Variants in BMX observed in about 807,000 individuals in gnomAD.
BMX encodes the protein cytoplasmic tyrosine-protein kinase BMX.
A neutral mutation model predicts 59.2 loss-of-function variants in BMX; 31 were observed. That is an observed-to-expected ratio of 0.52 (90% CI 0.39 to 0.71). BMX has a LOEUF of 0.71. BMX is among the 30% of genes least tolerant of loss of function. The pLI, the probability that BMX is intolerant of heterozygous loss-of-function variation, is 0.00. For missense variants in BMX, 474 were observed against 491.7 expected, an observed-to-expected ratio of 0.96 and a Z score of 0.34; for synonymous variants, 185 against 181.0, an observed-to-expected ratio of 1.02 and a Z score of -0.18.
intron 7 of BMX, among the ~76,000 whole-genome samples, chrX:15,523,202 G>A (rs1476405143): frequency 1.8e-5 from 2 of 111,671 alleles, no homozygotes; most frequent in South Asian, 3.7e-4. Flanking sequence ...ATATGGAAAG[G>A]GTCAAGTGAC....
At chrX:15,543,019 A>G in intron 15 of BMX, 52 bp from the exon 16 acceptor site, 2 of 1,106,467 alleles carry the variant, frequency 1.8e-6, no homozygotes, top group South Asian at 3.9e-5. Context: ...GGAAAATGTC[A>G]GGAGATTCTT....
At position 15,516,285 on chromosome X, in the gene BMX, G is replaced by A. The variant is rs1924152549; in HGVS notation, c.445+54G>A. The A allele has an allele frequency of 1.0e-5, 12 of 1,171,781 alleles. No individual in the cohort carries two copies. In the South Asian group the frequency reaches 1.7e-4, roughly 17 times the overall value. On this transcript the variant is annotated intron_variant, in intron 5 of 18. Transcript: ENST00000348343. ...ACGTTGGGTGGATAGTGCTCCATTA[G>A]GCTAAACCTGCCAGAGGCCAGAAGA...
At chrX:15,548,093 C>A (rs992698685) in intron 17 of BMX, among the ~76,000 whole-genome samples, 6 of 111,730 alleles carry the variant, frequency 5.4e-5, no homozygotes, top group Admixed American at 4.7e-4. Flanking sequence ...GAAAAAAAAT[C>A]ACAAAGATAG....
At chrX:15,527,808 A>G (rs1484798254) in intron 9 of BMX, among the ~76,000 whole-genome samples, 4 of 111,557 alleles carry the variant, frequency 3.6e-5, no homozygotes, top group Non-Finnish European at 7.5e-5. Flanking sequence ...TCTCTTTATC[A>G]CCTTCTAGCT....
chrX:15,534,922 A>G (rs1322892589), intron 12 of BMX, among the ~76,000 whole-genome samples: 1 of 111,254 alleles, frequency 9.0e-6, no homozygotes, highest in African/African-American at 3.3e-5. Context: ...TAGTTACCCC[A>G]TAATTTATTC....
intron 14 of BMX, 99 bp from the exon 15 acceptor site, chrX:15,541,883 T>A (rs1274041653): frequency 1.4e-6 from 1 of 731,368 alleles, no homozygotes; most frequent in Non-Finnish European, 2.1e-6. Context: ...AGGGTGGGGG[T>A]GGGAATTAAA....
chrX:15,537,403 TC>T, intron 14 of BMX, 98 bp downstream of exon 14: 1 of 887,987 alleles, frequency 1.1e-6, no homozygotes, highest in Non-Finnish European at 1.6e-6. Context: ...AGAGCAAAAG[TC>T]CACATACTGT....
At chrX:15,515,791 C>A (rs1045716040) in intron 4 of BMX, among the ~76,000 whole-genome samples, 1 of 111,688 alleles carries the variant, frequency 9.0e-6, no homozygotes, top group Non-Finnish European at 1.9e-5. Context: ...TGTGTTGTAA[C>A]CCACTCACTT....
chrX:15,529,797 G>A (rs1924976139), intron 9 of BMX, among the ~76,000 whole-genome samples, 176 bp from the exon 10 acceptor site: 1 of 112,168 alleles, frequency 8.9e-6, no homozygotes, highest in Non-Finnish European at 1.9e-5. Flanking sequence ...GAATTTAGTA[G>A]TGGGGACTTA....
Position 15,545,240 on chromosome X carries a change from GA to G in BMX, c.1677-1562del, listed in dbSNP as rs759449043. On this transcript the variant is annotated intron_variant, in intron 16 of 18. Coordinates refer to ENST00000348343, the MANE Select transcript of BMX (RefSeq NM_203281.3). Reference sequence around the variant, plus strand: ...GAGAGAGAGACTGAGGCAAGTTTTTGAGCAGGAGTGAGAGTTTATTAAAAAG... The same window carrying G: ...GAGAGAGAGACTGAGGCAAGTTTTTGGCAGGAGTGAGAGTTTATTAAAAAG... Among the ~76,000 whole-genome samples the G allele has an allele frequency of 3.6e-5, 4 of 112,055 alleles. No homozygotes were observed. The South Asian group carries it at 1.5e-3, about 42-fold the overall frequency.
rs1195837869 is a variant in BMX at position 15,522,400 on chromosome X, A to G, written c.565A>G (p.Thr189Ala). ...CAAAATGGATGCACCATCTTCAAGTACCACTCTAGCCCAATATGACAACGA... is the reference window on the plus strand; with the variant it reads ...CAAAATGGATGCACCATCTTCAAGTGCCACTCTAGCCCAATATGACAACGA... Reference protein sequence around the residue: ...VLKMDAPSSSTTLAQYDNESK... With the variant: ...VLKMDAPSSSATLAQYDNESK... Residue 189 changes from threonine to alanine, a missense_variant, in exon 7 of 19, where the codon ACC becomes GCC. By Grantham distance (58) the Thr-to-Ala change is moderately conservative. Coordinates refer to ENST00000348343, the MANE Select transcript of BMX (RefSeq NM_203281.3). 8.3e-7 allele frequency: 1 copy of G among 1,210,551 alleles called. No individual in the cohort carries two copies. The highest frequency in any genetic ancestry group is 1.7e-5 in the African/African-American group (1 of 57,374).
intron 9 of BMX, 63 bp downstream of exon 9, chrX:15,526,158 T>C: frequency 9.8e-7 from 1 of 1,023,958 alleles, no homozygotes; most frequent in South Asian, 2.2e-5. Flanking sequence ...ACTCTCTTCC[T>C]CAAAGACATT....
intron 11 of BMX, 45 bp from the exon 12 acceptor site, chrX:15,534,167 C>T: frequency 1.9e-6 from 2 of 1,070,165 alleles, no homozygotes; most frequent in East Asian, 3.4e-5. Flanking sequence ...CTTAATCAAG[C>T]TTTATTGTTT....
At chrX:15,534,175 T>C in intron 11 of BMX, 37 bp from the exon 12 acceptor site, 4 of 1,089,849 alleles carry the variant, frequency 3.7e-6, no homozygotes, top group Non-Finnish European at 4.9e-6. Flanking sequence ...AGCTTTATTG[T>C]TTATTTTAAA....
intron 1 of BMX, among the ~76,000 whole-genome samples, chrX:15,505,599 T>C (rs1403360357): frequency 8.9e-6 from 1 of 112,608 alleles, no homozygotes; most frequent in African/African-American, 3.2e-5. Context: ...AATAAACATA[T>C]ATTGCATATG....
chrX:15,544,443 C>T (rs1212387011), intron 16 of BMX, among the ~76,000 whole-genome samples: 2 of 111,339 alleles, frequency 1.8e-5, no homozygotes, highest in Admixed American at 9.5e-5. Flanking sequence ...GTTCTTAAAG[C>T]AGGGAGAAGC....
In BMX at chrX:15,546,903, T is replaced by A. The variant is rs780513020; in HGVS notation, c.1777T>A (p.Ser593Thr). 2 of 1,206,444 alleles carry A rather than the reference T, an allele frequency of 1.7e-6. No individual in the cohort carries two copies. The highest frequency in any genetic ancestry group is 1.8e-5 in the African/African-American group (1 of 57,093). Residue 593 changes from serine to threonine, a missense_variant, in exon 17 of 19, where the codon TCA (serine) becomes ACA (threonine). Transcript: ENST00000348343. ...VFHYFKYSSK[S>T]DVWAFGILMW... is the part of the protein sequence containing the mutation. ...TCATTACTTCAAATACAGCAGCAAG[T>A]CAGACGTATGGGCATTTGGTAAGGA...
At chrX:15,519,994 T>C (rs776996778) in intron 6 of BMX, among the ~76,000 whole-genome samples, 1 of 111,915 alleles carries the variant, frequency 8.9e-6, no homozygotes, top group South Asian at 3.7e-4. Context: ...ACATAAAATT[T>C]GGAGGGGTCG....
intron 14 of BMX, among the ~76,000 whole-genome samples, chrX:15,541,521 C>A (rs985972697): frequency 8.9e-6 from 1 of 111,843 alleles, no homozygotes; most frequent in African/African-American, 3.3e-5. Flanking sequence ...CAAACCTCAT[C>A]TGACTTCATT....
Sources: allele counts gnomAD v4.1 joint callset (sites outside exome capture counted in the v4.1 genomes callset), GRCh38; gene constraint gnomAD v4.1.1; transcripts MANE v1.5; gene names NCBI Gene and HGNC (gene_info 2026-07-23, HGNC 2026-07-21).